The following MNAT1 variants were observed in gnomAD, a reference collection of about 807,000 sequenced individuals.
The protein encoded by MNAT1 is MNAT1 component of CDK activating kinase, also known as CDK-activating kinase assembly factor MAT1.
MNAT1 carries 43 observed loss-of-function variants against 42.0 expected under a neutral mutation model. That is an observed-to-expected ratio of 1.02 (90% confidence interval 0.80 to 1.32). The LOEUF (loss-of-function observed/expected upper bound fraction) is 1.32, where lower values mean the gene tolerates loss of function less well. Ranked by LOEUF, MNAT1 falls within the 40% of genes most tolerant of loss-of-function variation. The pLI, the probability that MNAT1 is intolerant of heterozygous loss-of-function variation, is 0.00. For synonymous variants in MNAT1, 118 were observed against 120.0 expected, an observed-to-expected ratio of 0.98 and a Z score of 0.11; for missense variants, 306 against 350.4, an observed-to-expected ratio of 0.87 and a Z score of 1.01.
At chr14:60,909,698 C>A (rs1339526355) in intron 7 of MNAT1, among the ~76,000 whole-genome samples, 1 of 152,140 alleles carries the variant, frequency 6.6e-6, no homozygotes, top group Admixed American at 6.5e-5. Context: ...TGTTTTGGTA[C>A]CAGTACCATG....
chr14:60,819,825 T>C lies in MNAT1; in HGVS notation c.687+978T>C, dbSNP rs553513013. Among the ~76,000 whole-genome samples the C allele has an allele frequency of 8.5e-5, 13 of 152,224 alleles. No homozygotes were observed. The East Asian group carries it at 2.5e-3, about 29-fold the overall frequency. ...CTTTCCAATAAGCCTTTTTTTCCCA[T>C]CTGTGGAACGGTGATGATAATACTG... On this transcript the variant is annotated intron_variant, in intron 6 of 7. Transcript: ENST00000261245.
chr14:60,742,383 C>G lies in MNAT1; in HGVS notation c.89+7432C>G, dbSNP rs537115837. ...GATTACAGTCACCTTTTATGGCCAA[C>G]AATTAACTCCTCATTGTTATTATTA... On this transcript the variant is annotated intron_variant, in intron 1 of 7. Coordinates refer to ENST00000261245, the MANE Select transcript of MNAT1 (RefSeq NM_002431.4). Among the ~76,000 whole-genome samples, 5 of 152,264 alleles carry G rather than the reference C, an allele frequency of 3.3e-5. No homozygotes were observed. In the East Asian group the frequency reaches 7.7e-4, roughly 23 times the overall value.
In MNAT1 at chr14:60,796,154, A is replaced by G. The variant is rs913937085; in HGVS notation, c.90-63A>G. 5 of 1,484,942 alleles carry G rather than the reference A, an allele frequency of 3.4e-6. No homozygotes were observed. In the Admixed American group the frequency reaches 5.9e-5, roughly 18 times the overall value. 92.0% of individuals were successfully genotyped at this position (1,484,942 alleles called of 1,614,324 possible). On this transcript the variant is annotated intron_variant, in intron 1 of 7. Coordinates refer to ENST00000261245, the MANE Select transcript of MNAT1 (RefSeq NM_002431.4). ...TCTCCTTATCCCATAGGGGCAAACTATTCAGATGTGTTGTAGATTTGAACA... is the reference window on the plus strand; with the variant it reads ...TCTCCTTATCCCATAGGGGCAAACTGTTCAGATGTGTTGTAGATTTGAACA...
At chr14:60,771,184 G>GT (rs1287072274) in intron 1 of MNAT1, among the ~76,000 whole-genome samples, 2 of 151,686 alleles carry the variant, frequency 1.3e-5, no homozygotes, top group African/African-American at 4.8e-5. Context: ...TTTTTTGTTT[G>GT]TTTGTTTTGT....
chr14:60,858,750 C>A (rs1214235144), intron 6 of MNAT1, among the ~76,000 whole-genome samples: 2 of 152,136 alleles, frequency 1.3e-5, no homozygotes, highest in African/African-American at 4.8e-5. Context: ...CCATCAACAT[C>A]CAGACAAGAC....
intron 7 of MNAT1, among the ~76,000 whole-genome samples, chr14:60,909,428 G>A (rs1349564773): frequency 6.6e-6 from 1 of 152,074 alleles, no homozygotes; most frequent in South Asian, 2.1e-4. Context: ...TATTGCCTAG[G>A]TTTTCTTCTA....
At chr14:60,900,388 A>T (rs2035049554) in intron 7 of MNAT1, among the ~76,000 whole-genome samples, 1 of 152,198 alleles carries the variant, frequency 6.6e-6, no homozygotes. Context: ...GATTGCTGCT[A>T]TGGAGAAAGT....
At chr14:60,796,433 GATT>G in intron 2 of MNAT1, 64 bp downstream of exon 2, 1 of 1,452,802 alleles carries the variant, frequency 6.9e-7, no homozygotes, top group Non-Finnish European at 9.4e-7. Context: ...GTCAGTAATT[GATT>G]ATTATTTGCT....
intron 7 of MNAT1, among the ~76,000 whole-genome samples, chr14:60,899,804 T>C (rs1435017861): frequency 6.6e-6 from 1 of 152,220 alleles, no homozygotes; most frequent in Non-Finnish European, 1.5e-5. Flanking sequence ...TTTGCAAATA[T>C]TGCAAGTATA....
chr14:60,769,678 C>G (rs891537846), intron 1 of MNAT1, among the ~76,000 whole-genome samples: 2 of 152,002 alleles, frequency 1.3e-5, no homozygotes, highest in Non-Finnish European at 2.9e-5. Flanking sequence ...TTTTTAGAGA[C>G]AGGGCCTTAC....
chr14:60,895,648 T>A (rs2034940161), intron 7 of MNAT1, among the ~76,000 whole-genome samples: 1 of 152,170 alleles, frequency 6.6e-6, no homozygotes, highest in African/African-American at 2.4e-5. Context: ...ATCAATTATC[T>A]CAGCCATGTG....
intron 6 of MNAT1, among the ~76,000 whole-genome samples, chr14:60,828,772 G>A (rs561927447): frequency 9.1e-4 from 138 of 152,224 alleles, no homozygotes; most frequent in African/African-American, 3.2e-3. Flanking sequence ...AGGTTCCCAC[G>A]ATCCCTTCCT....
At chr14:60,861,263 A>G (rs981216517) in intron 6 of MNAT1, among the ~76,000 whole-genome samples, 6 of 152,218 alleles carry the variant, frequency 3.9e-5, no homozygotes, top group Non-Finnish European at 7.4e-5. Context: ...CTGTTTTAGT[A>G]ATAAATGTAA....
At chr14:60,746,411 A>T (rs186572376) in intron 1 of MNAT1, among the ~76,000 whole-genome samples, 1 of 151,730 alleles carries the variant, frequency 6.6e-6, no homozygotes, top group Non-Finnish European at 1.5e-5. Context: ...GCTACTCGGG[A>T]GGATGAGGCA....
chr14:60,809,503 A>G (rs926472702), intron 4 of MNAT1, among the ~76,000 whole-genome samples: 2 of 152,108 alleles, frequency 1.3e-5, no homozygotes, highest in African/African-American at 4.8e-5. Context: ...CAAAATAGGT[A>G]TGCGTAGGTA....
chr14:60,896,091 A>T (rs1476099938), intron 7 of MNAT1, among the ~76,000 whole-genome samples: 1 of 152,208 alleles, frequency 6.6e-6, no homozygotes, highest in Admixed American at 6.5e-5. Flanking sequence ...TTCACAATGA[A>T]GTTAGTTAAA....
At chr14:60,799,357 A>G in intron 3 of MNAT1, 2 of 985,408 alleles carry the variant, frequency 2.0e-6, no homozygotes, top group Non-Finnish European at 2.4e-6. Context: ...AAGAAAAACC[A>G]GAAAGAAATC....
chr14:60,807,302 C>G (rs1183748218), intron 3 of MNAT1, among the ~76,000 whole-genome samples: 1 of 152,122 alleles, frequency 6.6e-6, no homozygotes, highest in Non-Finnish European at 1.5e-5. Flanking sequence ...CTTTTCAACT[C>G]TTATAAGCTA....
intron 1 of MNAT1, among the ~76,000 whole-genome samples, chr14:60,762,894 A>G (rs558963496): frequency 2.0e-5 from 3 of 152,296 alleles, no homozygotes; most frequent in South Asian, 4.1e-4. Context: ...CAAAATAAAG[A>G]AAACATAATT....
Sources: allele counts gnomAD v4.1 joint callset (sites outside exome capture counted in the v4.1 genomes callset), GRCh38; gene constraint gnomAD v4.1.1; transcripts MANE v1.5; gene names NCBI Gene and HGNC (gene_info 2026-07-23, HGNC 2026-07-21).